DGKB: variants seen among roughly 807,000 people sequenced by gnomAD.
The protein encoded by DGKB is 90 kDa diacylglycerol kinase.
In DGKB, 67 loss-of-function variants were observed where a neutral mutation model predicts 114.3. That is an observed-to-expected ratio of 0.59 (90% CI 0.48 to 0.72). The LOEUF (loss-of-function observed/expected upper bound fraction) is 0.72. Ranked by LOEUF, DGKB falls within the 30% of genes least tolerant of loss-of-function variation. DGKB has a pLI of 0.00. For missense variants in DGKB, 907 were observed against 975.2 expected, an observed-to-expected ratio of 0.93 and a Z score of 0.93; for synonymous variants, 398 against 323.1, an observed-to-expected ratio of 1.23 and a Z score of -2.49.
chr7:14,259,407 C>CTCTA (rs1422240054), intron 23 of DGKB, among the ~76,000 whole-genome samples: 61 of 108,208 alleles, frequency 5.6e-4, no homozygotes, highest in South Asian at 2.6e-3. Context: ...CTCTCTCTCT[C>CTCTA]TATATATATA....
In DGKB at chr7:14,689,301, G is replaced by A. The variant is rs1255731706; in HGVS notation, c.712-3939C>T. Among the ~76,000 whole-genome samples, 4 of 145,500 alleles carry A rather than the reference G, an allele frequency of 2.7e-5. 1 individual carries two copies. Among genetic ancestry groups the A allele is most frequent in the East Asian group, 4.3e-4 (2 of 4,648 alleles). Reference sequence around the variant, plus strand: ...GCTCACTGCAAGCTCCGCCTCCCGGGTTCGTGCCATTCTCCTGCCTTCACC... The same window carrying A: ...GCTCACTGCAAGCTCCGCCTCCCGGATTCGTGCCATTCTCCTGCCTTCACC... On this transcript the variant is annotated intron_variant, in intron 9 of 25. Transcript: ENST00000402815.
intron 2 of DGKB, among the ~76,000 whole-genome samples, chr7:14,796,311 CA>C (rs1841396836): frequency 6.6e-6 from 1 of 152,140 alleles, no homozygotes; most frequent in African/African-American, 2.4e-5. Flanking sequence ...ACAGCAAAGA[CA>C]GTAGCCAACA....
intron 9 of DGKB, among the ~76,000 whole-genome samples, chr7:14,688,158 G>T (rs995635402): frequency 6.6e-6 from 1 of 151,336 alleles, no homozygotes; most frequent in African/African-American, 2.4e-5. Flanking sequence ...AATGGGGGAG[G>T]GAAAGAATCT....
At chr7:14,167,449 G>A (rs1584190076) in intron 25 of DGKB, among the ~76,000 whole-genome samples, 1 of 151,968 alleles carries the variant, frequency 6.6e-6, no homozygotes, top group African/African-American at 2.4e-5. Flanking sequence ...GGAAACAAAA[G>A]CCTTGGATTA....
intron 5 of DGKB, among the ~76,000 whole-genome samples, chr7:14,732,151 T>C (rs1831014611): frequency 1.3e-5 from 2 of 152,074 alleles, no homozygotes; most frequent in Admixed American, 1.3e-4. Flanking sequence ...AATGTTTTGC[T>C]TTTACTATGT....
intron 2 of DGKB, among the ~76,000 whole-genome samples, chr7:14,806,294 A>G (rs751314470): frequency 3.9e-4 from 59 of 152,166 alleles, no homozygotes; most frequent in Admixed American, 1.0e-3. Flanking sequence ...ATACTTTCAT[A>G]TATTTGTTAG....
intron 23 of DGKB, among the ~76,000 whole-genome samples, chr7:14,186,583 G>A (rs535486158): frequency 2.5e-4 from 38 of 152,282 alleles, no homozygotes; most frequent in Non-Finnish European, 1.8e-4. Context: ...GTTTATAGCA[G>A]CACAATTCAC....
At chr7:14,471,000 C>A (rs1324162094) in intron 21 of DGKB, among the ~76,000 whole-genome samples, 1 of 150,930 alleles carries the variant, frequency 6.6e-6, no homozygotes, top group African/African-American at 2.4e-5. Context: ...TTTTTAACTT[C>A]TCATTATATT....
chr7:14,661,001 A>G (rs978009147), intron 13 of DGKB, among the ~76,000 whole-genome samples: 1 of 148,524 alleles, frequency 6.7e-6, no homozygotes, highest in African/African-American at 2.5e-5. Context: ...GGCTAGCCAT[A>G]TTTAGAAAGC....
At chr7:14,787,852 C>T (rs1840116352) in intron 2 of DGKB, among the ~76,000 whole-genome samples, 1 of 152,242 alleles carries the variant, frequency 6.6e-6, no homozygotes, top group African/African-American at 2.4e-5. Context: ...AGGAAAACCT[C>T]TCCTGCCTGC....
intron 25 of DGKB, chr7:14,176,480 G>A (rs944652700): frequency 1.0e-5 from 10 of 998,682 alleles, no homozygotes; most frequent in African/African-American, 1.7e-5. Flanking sequence ...TGCATTTCTT[G>A]CAAATAATAT....
intron 1 of DGKB, among the ~76,000 whole-genome samples, chr7:14,898,394 T>C (rs1335450517): frequency 3.3e-5 from 5 of 152,188 alleles, no homozygotes; most frequent in South Asian, 4.1e-4. Context: ...CCCGGCTCTA[T>C]TCCTACCAGT....
chr7:14,631,785 C>T (rs547810159), intron 13 of DGKB, among the ~76,000 whole-genome samples: 1 of 151,990 alleles, frequency 6.6e-6, no homozygotes, highest in South Asian at 2.1e-4. Flanking sequence ...CGGGTTGAAG[C>T]TTAAGGTCTG....
intron 2 of DGKB, among the ~76,000 whole-genome samples, chr7:14,767,048 T>C (rs967565191): frequency 6.6e-5 from 10 of 151,486 alleles, no homozygotes; most frequent in South Asian, 2.1e-4. Context: ...GCAGCAAATA[T>C]AGGCAACTCA....
intron 13 of DGKB, among the ~76,000 whole-genome samples, chr7:14,653,558 T>A (rs1432485152): frequency 6.6e-6 from 1 of 151,936 alleles, no homozygotes. Context: ...TAATGCTAGA[T>A]GACGAGTTAG....
intron 6 of DGKB, among the ~76,000 whole-genome samples, chr7:14,715,131 A>G (rs971968933): frequency 6.6e-5 from 10 of 152,158 alleles, no homozygotes; most frequent in Non-Finnish European, 1.0e-4. Flanking sequence ...TTCTCAACCT[A>G]GGGTTTGCAT....
chr7:14,392,749 C>T (rs1240415148), intron 21 of DGKB, among the ~76,000 whole-genome samples: 1 of 151,828 alleles, frequency 6.6e-6, no homozygotes, highest in Non-Finnish European at 1.5e-5. Context: ...AAATCCCATT[C>T]GCAAAAAGTG....
intron 23 of DGKB, among the ~76,000 whole-genome samples, chr7:14,318,999 A>T (rs956435084): frequency 3.9e-5 from 6 of 152,136 alleles, no homozygotes; most frequent in Non-Finnish European, 7.3e-5. Flanking sequence ...GACTTGGATG[A>T]AATTGGAAAC....
intron 20 of DGKB, among the ~76,000 whole-genome samples, chr7:14,559,135 A>C (rs748499787): frequency 2.6e-5 from 4 of 152,194 alleles, no homozygotes; most frequent in Admixed American, 1.3e-4. Context: ...TTTTTTCAAA[A>C]ATGTAGAAAT....
Sources: allele counts gnomAD v4.1 joint callset (sites outside exome capture counted in the v4.1 genomes callset), GRCh38; gene constraint gnomAD v4.1.1; transcripts MANE v1.5; gene names NCBI Gene and HGNC (gene_info 2026-07-23, HGNC 2026-07-21).